OR2L13: variants seen among roughly 807,000 people sequenced by gnomAD.
OR2L13 encodes the protein olfactory receptor family 2 subfamily L member 13.
Under a neutral mutation model 15.3 loss-of-function variants are expected in OR2L13, and 14 were observed. That is an observed-to-expected ratio of 0.91 (90% CI 0.60 to 1.43). The LOEUF (loss-of-function observed/expected upper bound fraction) is 1.43, where lower values mean the gene tolerates loss of function less well. Ranked by LOEUF, OR2L13 falls within the 40% of genes most tolerant of loss-of-function variation. The probability of loss-of-function intolerance (pLI) is 0.00; values close to 1 mark genes in which losing one functional copy is unlikely to be tolerated. For synonymous variants in OR2L13, 152 were observed against 142.9 expected, an observed-to-expected ratio of 1.06 and a Z score of -0.45; for missense variants, 367 against 387.9, an observed-to-expected ratio of 0.95 and a Z score of 0.45.
the OR2L13 span, among the ~76,000 whole-genome samples, chr1:248,005,090 G>A: frequency 1.3e-5 from 2 of 152,114 alleles, no homozygotes; most frequent in Non-Finnish European, 2.9e-5. Context: ...TAATGAATAA[G>A]AGCCAGTAAT....
the OR2L13 span, among the ~76,000 whole-genome samples, chr1:248,037,457 G>A: frequency 6.6e-6 from 1 of 152,008 alleles, no homozygotes; most frequent in Non-Finnish European, 1.5e-5. Flanking sequence ...TGATCTTAAT[G>A]GCATCTGAGA....
At chr1:248,002,419 C>T in the OR2L13 span, among the ~76,000 whole-genome samples, 6 of 117,280 alleles carry the variant, frequency 5.1e-5, no homozygotes, top group South Asian at 2.3e-4. Flanking sequence ...ACCACTTTCC[C>T]TCTCTGTGAA....
At chr1:247,966,954 A>G in the OR2L13 span, among the ~76,000 whole-genome samples, 1 of 152,102 alleles carries the variant, frequency 6.6e-6, no homozygotes, top group African/African-American at 2.4e-5. Flanking sequence ...TAGAAAAGAG[A>G]GTAGGGTGAA....
the OR2L13 span, chr1:247,990,277 A>G: frequency 1.1e-6 from 1 of 949,238 alleles, no homozygotes; most frequent in Non-Finnish European, 1.7e-6. Context: ...ATGGAAAATT[A>G]CAATCAAACA....
At chr1:248,049,595 A>T in the OR2L13 span, among the ~76,000 whole-genome samples, 3 of 152,232 alleles carry the variant, frequency 2.0e-5, no homozygotes, top group African/African-American at 7.2e-5. Flanking sequence ...AGGTGAAGTG[A>T]AAGTACAGTA....
the OR2L13 span, among the ~76,000 whole-genome samples, chr1:248,050,272 A>T: frequency 3.9e-5 from 6 of 152,286 alleles, no homozygotes; most frequent in East Asian, 7.7e-4. Context: ...TGAAAAAAAA[A>T]AAGTAAAAGC....
At chr1:248,050,665 T>G in the OR2L13 span, among the ~76,000 whole-genome samples, 4 of 152,196 alleles carry the variant, frequency 2.6e-5, no homozygotes, top group African/African-American at 4.8e-5. Flanking sequence ...CAGTTTGTCA[T>G]AGAGAGTCCT....
chr1:248,027,634 G>T, the OR2L13 span, among the ~76,000 whole-genome samples: 2 of 152,104 alleles, frequency 1.3e-5, no homozygotes, highest in African/African-American at 4.8e-5. Flanking sequence ...AATAGAAAAG[G>T]ACCCATGTGA....
chr1:247,965,885 G>C, the OR2L13 span: 4 of 1,613,530 alleles, frequency 2.5e-6, no homozygotes, highest in Non-Finnish European at 3.4e-6. Context: ...CCATTCTGTA[G>C]GTCTCGGCTC....
At chr1:248,067,208 G>A in the OR2L13 span, among the ~76,000 whole-genome samples, 2 of 152,276 alleles carry the variant, frequency 1.3e-5, no homozygotes, top group East Asian at 3.9e-4. Context: ...AGCATAAAGT[G>A]TATTGAAAAT....
the OR2L13 span, among the ~76,000 whole-genome samples, chr1:248,050,521 C>A: frequency 3.3e-5 from 5 of 151,918 alleles, no homozygotes; most frequent in Non-Finnish European, 5.9e-5. Context: ...AACACTGGAA[C>A]ATGGATAATA....
the OR2L13 span, among the ~76,000 whole-genome samples, chr1:247,953,875 C>A: frequency 6.6e-6 from 1 of 152,102 alleles, no homozygotes; most frequent in African/African-American, 2.4e-5. Flanking sequence ...ACTATCTTTA[C>A]ACCCCCATAT....
At chr1:247,956,336 G>A in the OR2L13 span, among the ~76,000 whole-genome samples, 1 of 151,388 alleles carries the variant, frequency 6.6e-6, no homozygotes, top group Non-Finnish European at 1.5e-5. Flanking sequence ...ATGCTGTTTT[G>A]GTTACTGTAG....
the OR2L13 span, chr1:247,966,459 A>G: frequency 1.9e-5 from 19 of 1,005,330 alleles, no homozygotes; most frequent in Non-Finnish European, 1.8e-5. Flanking sequence ...TTGTAAAGCA[A>G]TAGAATTCAG....
the OR2L13 span, chr1:248,061,276 T>C: frequency 0.055 from 85,768 of 1,564,576 alleles, 7,026 homozygotes; most frequent in East Asian, 0.23. Context: ...GGGCACAGTG[T>C]TTTTGAGCAC....
chr1:248,024,674 C>T, the OR2L13 span, among the ~76,000 whole-genome samples: 2 of 152,094 alleles, frequency 1.3e-5, no homozygotes, highest in Non-Finnish European at 2.9e-5. Context: ...ATCCTTTCCC[C>T]ATTGCTTGTT....
upstream of OR2L13, among the ~76,000 whole-genome samples, chr1:248,096,908 G>A (rs1252431186): frequency 2.0e-5 from 3 of 152,234 alleles, no homozygotes; most frequent in East Asian, 3.9e-4. Context: ...AAATGTGGCC[G>A]CAGTCACATC....
the OR2L13 span, among the ~76,000 whole-genome samples, chr1:247,996,184 CA>C: frequency 6.6e-5 from 10 of 152,308 alleles, no homozygotes; most frequent in African/African-American, 2.4e-4. Context: ...ACTCCATGGG[CA>C]ATTGAACCCT....
the OR2L13 span, among the ~76,000 whole-genome samples, chr1:248,074,995 T>C: frequency 6.6e-6 from 1 of 152,144 alleles, no homozygotes; most frequent in Non-Finnish European, 1.5e-5. Flanking sequence ...TTACATTAGG[T>C]ATTTCTCCTA....
Sources: gnomAD v4.1 joint callset for allele counts (sites outside exome capture counted in the v4.1 genomes callset) on GRCh38, gnomAD v4.1.1 for gene constraint, MANE v1.5 for transcripts, NCBI Gene and HGNC (gene_info 2026-07-23, HGNC 2026-07-21) for gene names.